The following KLHL1 variants were observed in gnomAD, a reference collection of about 807,000 sequenced individuals.
KLHL1 encodes the protein kelch-like protein 1.
KLHL1 carries 47 observed loss-of-function variants against 77.7 expected under a neutral mutation model. The ratio of observed to expected loss-of-function variants is 0.60; its 90% CI spans 0.48 to 0.77. The LOEUF (loss-of-function observed/expected upper bound fraction) is 0.77, where lower values mean the gene tolerates loss of function less well. KLHL1 is among the 30% of genes least tolerant of loss of function. The pLI is 0.00. For synonymous variants in KLHL1, 360 were observed against 325.2 expected, an observed-to-expected ratio of 1.11 and a Z score of -1.15; for missense variants, 925 against 910.8, an observed-to-expected ratio of 1.02 and a Z score of -0.20.
chr13:69,920,840 T>C (rs1050332555), intron 4 of KLHL1, among the ~76,000 whole-genome samples: 2 of 152,144 alleles, frequency 1.3e-5, no homozygotes, highest in Non-Finnish European at 2.9e-5. Context: ...TAAACATTAA[T>C]TCTCCTCTGT....
At chr13:69,879,096 T>C (rs1880881582) in intron 5 of KLHL1, among the ~76,000 whole-genome samples, 2 of 152,130 alleles carry the variant, frequency 1.3e-5, no homozygotes, top group Non-Finnish European at 2.9e-5. Flanking sequence ...CACCAGGGCC[T>C]GTCGTAGGAG....
chr13:69,835,423 C>T lies in KLHL1; in HGVS notation c.1414+3553G>A, dbSNP rs187877668. On this transcript the variant is annotated intron_variant, in intron 6 of 10. Transcript: ENST00000377844. ...AGAGCTAAAGGAATACAAAAGCCAG[C>T]ATCTCTTGTGGACAGAGGTTTCCAA... Among the ~76,000 whole-genome samples, 518 of 152,248 alleles carry T rather than the reference C, an allele frequency of 3.4e-3. 4 individuals carry two copies. Among genetic ancestry groups the T allele is most frequent in the Admixed American group, 5.2e-3 (79 of 15,264 alleles).
chr13:69,785,302 T>G (rs190018409), intron 7 of KLHL1, among the ~76,000 whole-genome samples: 2 of 152,268 alleles, frequency 1.3e-5, no homozygotes, highest in South Asian at 2.1e-4. Flanking sequence ...TATAACGAAC[T>G]GTCTCTCACA....
intron 4 of KLHL1, among the ~76,000 whole-genome samples, chr13:69,933,989 T>C (rs377568045): frequency 5.3e-5 from 8 of 152,232 alleles, no homozygotes; most frequent in Admixed American, 6.6e-5. Flanking sequence ...AAATCTGTAG[T>C]GAGATAGTAC....
chr13:70,105,724 C>T (rs1888038212), intron 1 of KLHL1, among the ~76,000 whole-genome samples: 1 of 150,970 alleles, frequency 6.6e-6, no homozygotes, highest in Admixed American at 6.6e-5. Context: ...TTATAGGTAA[C>T]TAGCATATTA....
At chr13:69,706,404 G>A (rs1158870750) in intron 10 of KLHL1, among the ~76,000 whole-genome samples, 1 of 151,832 alleles carries the variant, frequency 6.6e-6, no homozygotes, top group Non-Finnish European at 1.5e-5. Flanking sequence ...AAGTTAGTCT[G>A]ACTAAAAAAT....
At chr13:69,934,946 G>A (rs1440371169) in intron 4 of KLHL1, among the ~76,000 whole-genome samples, 3 of 33,746 alleles carry the variant, frequency 8.9e-5, no homozygotes, top group African/African-American at 2.1e-4. Flanking sequence ...AAAATTTACC[G>A]TGTGTGTGTG....
chr13:69,921,815 T>C (rs1255928573), intron 4 of KLHL1, among the ~76,000 whole-genome samples: 5 of 151,742 alleles, frequency 3.3e-5, no homozygotes, highest in Non-Finnish European at 7.4e-5. Context: ...CAGTTCCGCA[T>C]AGATATAAGA....
intron 7 of KLHL1, among the ~76,000 whole-genome samples, chr13:69,753,950 C>T (rs1412392227): frequency 6.6e-6 from 1 of 152,060 alleles, no homozygotes; most frequent in Non-Finnish European, 1.5e-5. Flanking sequence ...GATCTTCCCA[C>T]TTCAGCCTCC....
At chr13:70,071,586 C>A (rs1887137985) in intron 1 of KLHL1, among the ~76,000 whole-genome samples, 1 of 151,496 alleles carries the variant, frequency 6.6e-6, no homozygotes, top group African/African-American at 2.4e-5. Flanking sequence ...ATAAAACTGA[C>A]CTTAACGAAT....
intron 4 of KLHL1, among the ~76,000 whole-genome samples, chr13:69,939,239 C>T (rs1403845263): frequency 6.7e-6 from 1 of 148,940 alleles, no homozygotes; most frequent in African/African-American, 2.5e-5. Flanking sequence ...TTTAAAATCC[C>T]ATGCTATAAA....
At chr13:69,790,058 C>CACTT (rs1404074653) in intron 7 of KLHL1, among the ~76,000 whole-genome samples, 1 of 151,362 alleles carries the variant, frequency 6.6e-6, no homozygotes, top group Non-Finnish European at 1.5e-5. Flanking sequence ...TGGTGTTAGC[C>CACTT]ACTTCTGACA....
rs941154473 is a variant in KLHL1, at chr13:70,107,854, G to A, written c.-155C>T. On this transcript the variant is annotated 5_prime_UTR_variant, in exon 1 of 11. Coordinates refer to ENST00000377844, the MANE Select transcript of KLHL1 (RefSeq NM_020866.3). ...AGACGCTAGGTGGGCTGCGCGCTCT[G>A]CCAGGCGAAGGCTGGAGCGCAGACG... The A allele has an allele frequency of 1.0e-5, 6 of 600,582 alleles. No homozygotes were observed. Among genetic ancestry groups the A allele is most frequent in the South Asian group, 2.6e-5 (1 of 37,792 alleles). 37.2% of individuals were successfully genotyped at this position (600,582 alleles called of 1,614,324 possible). A position where few individuals can be genotyped will look rare whatever the true frequency, so the allele number is the denominator to read the frequency against.
At chr13:70,014,239 G>A (rs1885603428) in intron 1 of KLHL1, among the ~76,000 whole-genome samples, 1 of 152,036 alleles carries the variant, frequency 6.6e-6, no homozygotes, top group African/African-American at 2.4e-5. Flanking sequence ...GTTATTTCTA[G>A]TGCTTATATT....
At chr13:69,998,794 C>A (rs979496183) in intron 1 of KLHL1, among the ~76,000 whole-genome samples, 6 of 152,040 alleles carry the variant, frequency 3.9e-5, no homozygotes, top group African/African-American at 1.4e-4. Context: ...GTTGGCCAGA[C>A]TACATTCTAG....
rs1350651778 is a variant in KLHL1 at position 69,796,731 on chromosome 13, A to G, written c.1639+7T>C. Reference sequence around the variant, plus strand: ...CTAAAAGTAATATCAATAAAGTAAGATCTTACCTAGACCATGTCTGTGTGT... The same window carrying G: ...CTAAAAGTAATATCAATAAAGTAAGGTCTTACCTAGACCATGTCTGTGTGT... On this transcript the variant is annotated splice_region_variant and intron_variant, in intron 7 of 10. Coordinates refer to ENST00000377844, the MANE Select transcript of KLHL1 (RefSeq NM_020866.3). 3 of 1,587,128 alleles carry G rather than the reference A, an allele frequency of 1.9e-6. No individual in the cohort carries two copies. The highest frequency in any genetic ancestry group is 2.7e-5 in the African/African-American group (2 of 74,500).
intron 1 of KLHL1, among the ~76,000 whole-genome samples, chr13:70,065,093 C>A (rs537682036): frequency 1.6e-3 from 244 of 152,086 alleles, no homozygotes; most frequent in Non-Finnish European, 3.3e-3. Context: ...ATACTCTAAC[C>A]CTGTTTATTT....
chr13:69,820,736 G>A (rs1472587219), intron 6 of KLHL1, among the ~76,000 whole-genome samples: 3 of 152,202 alleles, frequency 2.0e-5, no homozygotes, highest in Admixed American at 6.5e-5. Context: ...AAAGAATGCT[G>A]TTAGGTAGAA....
At chr13:70,093,736 A>G (rs1038919923) in intron 1 of KLHL1, among the ~76,000 whole-genome samples, 6 of 152,152 alleles carry the variant, frequency 3.9e-5, no homozygotes, top group Non-Finnish European at 5.9e-5. Context: ...TTTTGAACCA[A>G]CTACATCATA....
Sources: gnomAD v4.1 joint callset for allele counts (sites outside exome capture counted in the v4.1 genomes callset) on GRCh38, gnomAD v4.1.1 for gene constraint, MANE v1.5 for transcripts, NCBI Gene and HGNC (gene_info 2026-07-23, HGNC 2026-07-21) for gene names.